Variants in DHX9 observed in about 807,000 individuals in gnomAD.
DHX9 encodes the protein DExH-box helicase 9.
Under a neutral mutation model 148.7 loss-of-function variants are expected in DHX9, and 27 were observed. The observed-to-expected ratio is 0.18, with a 90% CI of 0.13 to 0.25. The LOEUF is 0.25. DHX9 is among the 10% of genes least tolerant of loss of function. The pLI is 1.00. For synonymous variants in DHX9, 529 were observed against 516.6 expected (o/e 1.02, Z -0.33); for missense variants, 796 against 1,559.6 (o/e 0.51, Z 8.25).
chr1:182,861,106 A>C (rs1329438445), intron 12 of DHX9, among the ~76,000 whole-genome samples: 1 of 152,248 alleles, frequency 6.6e-6, no homozygotes, highest in Non-Finnish European at 1.5e-5. Flanking sequence ...CATTTCTGAA[A>C]TTGAGATACA....
At chr1:182,869,294 G>A (rs1648441120) in intron 14 of DHX9, among the ~76,000 whole-genome samples, 1 of 152,090 alleles carries the variant, frequency 6.6e-6, no homozygotes, top group Non-Finnish European at 1.5e-5. Context: ...ATCCGGTTCG[G>A]CCCAGTCTGG....
intron 13 of DHX9, among the ~76,000 whole-genome samples, 166 bp from the exon 14 acceptor site, chr1:182,866,795 A>G (rs759744408): frequency 2.6e-5 from 4 of 152,214 alleles, no homozygotes; most frequent in Non-Finnish European, 4.4e-5. Context: ...AAAATCAGTG[A>G]AAAAAACTAT....
chr1:182,844,154 G>T (rs1482052041), intron 3 of DHX9, among the ~76,000 whole-genome samples: 1 of 152,138 alleles, frequency 6.6e-6, no homozygotes, highest in East Asian at 1.9e-4. Flanking sequence ...CACCATGTTG[G>T]CCAGGCTGGT....
At chr1:182,875,548 A>G (rs1487926935) in intron 16 of DHX9, among the ~76,000 whole-genome samples, 3 of 152,240 alleles carry the variant, frequency 2.0e-5, no homozygotes, top group Non-Finnish European at 4.4e-5. Flanking sequence ...TAGTATAGAA[A>G]TGGATTATCT....
intron 3 of DHX9, among the ~76,000 whole-genome samples, chr1:182,846,361 A>C (rs938116236): frequency 1.3e-5 from 2 of 151,452 alleles, no homozygotes; most frequent in Non-Finnish European, 2.9e-5. Flanking sequence ...CTCAGGCAGG[A>C]GTATCTGGGA....
intron 26 of DHX9, 99 bp downstream of exon 26, chr1:182,883,734 T>G: frequency 1.4e-6 from 1 of 740,050 alleles, no homozygotes; most frequent in Non-Finnish European, 2.2e-6. Flanking sequence ...TAATTATATC[T>G]AACTTAATTA....
At chr1:182,847,424 G>A (rs1213098939) in intron 3 of DHX9, among the ~76,000 whole-genome samples, 1 of 152,116 alleles carries the variant, frequency 6.6e-6, no homozygotes, top group Admixed American at 6.5e-5. Context: ...GACTCAAACT[G>A]CAAATGCTGT....
chr1:182,876,716 A>T, intron 18 of DHX9, 114 bp from the exon 19 acceptor site: 1 of 931,624 alleles, frequency 1.1e-6, no homozygotes. Flanking sequence ...TTATTGGGTG[A>T]TCTTTTTAGG....
intron 26 of DHX9, 85 bp from the exon 27 acceptor site, chr1:182,884,528 A>T: frequency 1.7e-6 from 2 of 1,190,522 alleles, no homozygotes; most frequent in Non-Finnish European, 2.4e-6. Flanking sequence ...TTTATTCTAT[A>T]ATGTGCCATG....
chr1:182,876,425 A>T, intron 17 of DHX9, 22 bp from the exon 18 acceptor site: 3 of 1,604,230 alleles, frequency 1.9e-6, no homozygotes, highest in Non-Finnish European at 2.6e-6. Flanking sequence ...TTAGTCCCTG[A>T]TTGTTCTTTA....
rs183364683 is a variant in DHX9, at chr1:182,875,027, C to T, written c.1815+73C>T. 1.5e-4 allele frequency: 178 copies of T among 1,164,968 alleles called. 1 individual carries two copies. The East Asian group carries it at 2.6e-3, about 17-fold the overall frequency. 72.2% of individuals were successfully genotyped at this position (1,164,968 alleles called of 1,614,324 possible). On this transcript the variant is annotated intron_variant, in intron 16 of 27. Transcript: ENST00000367549. ...CAGAGAAAAAAATGAGTTAATGTAA[C>T]ATGCAATGTATTAGCATTACAGCAA... is the stretch of plus-strand genomic sequence containing the variant.
At chr1:182,852,923 C>T (rs1420472981) in intron 4 of DHX9, among the ~76,000 whole-genome samples, 1 of 118,580 alleles carries the variant, frequency 8.4e-6, no homozygotes, top group Admixed American at 8.1e-5. Flanking sequence ...GCAGTAGTAT[C>T]TACTTCATAT....
chr1:182,868,468 T>A (rs764662440), intron 14 of DHX9, among the ~76,000 whole-genome samples: 22 of 151,470 alleles, frequency 1.5e-4, no homozygotes, highest in Non-Finnish European at 2.4e-4. Flanking sequence ...ATAAGGTTAA[T>A]AAAAGAATTT....
At chr1:182,843,546 TC>T in intron 3 of DHX9, 112 bp downstream of exon 3, 1 of 1,142,366 alleles carries the variant, frequency 8.8e-7, no homozygotes, top group Non-Finnish European at 1.2e-6. Context: ...ATATCGTGTT[TC>T]GTAATGAAAT....
Position 182,862,335 on chromosome 1 carries a change from A to G in DHX9, c.1332+2151A>G, listed in dbSNP as rs535767019. Reference sequence around the variant, plus strand: ...CAGCCTTAGTGTAAATTCTCAACCAAACTCACTGAATTTTATCCTTCGGTC... The same window carrying G: ...CAGCCTTAGTGTAAATTCTCAACCAGACTCACTGAATTTTATCCTTCGGTC... On this transcript the variant is annotated intron_variant, in intron 12 of 27. Transcript: ENST00000367549. 3.7e-4 allele frequency among the ~76,000 whole-genome samples: 56 copies of G among 152,308 alleles called. 1 individual carries two copies. The highest frequency in any genetic ancestry group is 1.3e-3 in the African/African-American group (53 of 41,576).
chr1:182,856,484 GGTTTCTAACAGTGAA>G (rs1557968618), intron 6 of DHX9, 33 bp from the exon 7 acceptor site: 2 of 1,569,076 alleles, frequency 1.3e-6, no homozygotes, highest in African/African-American at 2.7e-5. Context: ...TGGATTTGCT[GGTTTCTAACAGTGAA>G]ATTTCTAACC....
intron 8 of DHX9, 51 bp downstream of exon 8, chr1:182,858,291 G>C (rs201120027): frequency 6.3e-7 from 1 of 1,581,906 alleles, no homozygotes; most frequent in African/African-American, 1.4e-5. Flanking sequence ...ATTCAATTTA[G>C]CTCTTGTTTA....
At chr1:182,874,518 G>T (rs1329921929) in intron 15 of DHX9, among the ~76,000 whole-genome samples, 1 of 152,144 alleles carries the variant, frequency 6.6e-6, no homozygotes. Context: ...ATGGACTGTG[G>T]TATATTGTAT....
At chr1:182,849,622 G>A (rs775818256) in intron 3 of DHX9, among the ~76,000 whole-genome samples, 21 of 152,146 alleles carry the variant, frequency 1.4e-4, no homozygotes, top group Non-Finnish European at 2.6e-4. Context: ...TAATTACCTG[G>A]TTGAAATGTC....
Sources: allele counts gnomAD v4.1 joint callset (sites outside exome capture counted in the v4.1 genomes callset), GRCh38; gene constraint gnomAD v4.1.1; transcripts MANE v1.5; gene names NCBI Gene and HGNC (gene_info 2026-07-23, HGNC 2026-07-21).